Variants in SMG6 observed in about 807,000 individuals in gnomAD.
SMG6 encodes SMG6 nonsense mediated mRNA decay factor.
SMG6 carries 66 observed loss-of-function variants against 142.2 expected under a neutral mutation model. The ratio of observed to expected loss-of-function variants is 0.46; its 90% confidence interval spans 0.38 to 0.57. SMG6 has a LOEUF of 0.57. Ranked by LOEUF, SMG6 falls within the 20% of genes least tolerant of loss-of-function variation. SMG6 has a pLI of 0.00. For synonymous variants in SMG6, 779 were observed against 702.4 expected, an observed-to-expected ratio of 1.11 and a Z score of -1.72; for missense variants, 1,793 against 1,832.0, an observed-to-expected ratio of 0.98 and a Z score of 0.39.
chr17:2,221,442 A>T (rs886211820), intron 10 of SMG6, among the ~76,000 whole-genome samples: 1 of 152,116 alleles, frequency 6.6e-6, no homozygotes, highest in Non-Finnish European at 1.5e-5. Context: ...CTCCCTAGCC[A>T]TGTTTCCTGT....
intron 13 of SMG6, among the ~76,000 whole-genome samples, chr17:2,152,627 G>T (rs1432812245): frequency 6.6e-6 from 1 of 152,158 alleles, no homozygotes; most frequent in African/African-American, 2.4e-5. Flanking sequence ...TTAGAGAAAT[G>T]CGAATTAAAA....
intron 8 of SMG6, among the ~76,000 whole-genome samples, chr17:2,261,314 A>G (rs78575432): frequency 2.0e-5 from 1 of 49,882 alleles, no homozygotes; most frequent in Non-Finnish European, 3.7e-5. Context: ...ACTCCGTCTC[A>G]AAAAAAAAAA....
intron 13 of SMG6, chr17:2,088,803 T>C: frequency 2.0e-6 from 2 of 985,416 alleles, no homozygotes; most frequent in South Asian, 9.4e-5. Flanking sequence ...TGTCTGTAGC[T>C]CACTGGCCTG....
At chr17:2,103,864 A>C (rs954169603) in intron 13 of SMG6, among the ~76,000 whole-genome samples, 2 of 152,200 alleles carry the variant, frequency 1.3e-5, no homozygotes, top group African/African-American at 4.8e-5. Context: ...AGAGGTAAGA[A>C]GTCGTCTCAA....
chr17:2,303,589 C>CGGGG, intron 1 of SMG6, 44 bp downstream of exon 1: 1 of 1,372,780 alleles, frequency 7.3e-7, no homozygotes. Context: ...GAGAGGGAGG[C>CGGGG]GGGGCGGGCA....
intron 10 of SMG6, among the ~76,000 whole-genome samples, chr17:2,228,862 G>A (rs1052127771): frequency 6.6e-6 from 1 of 152,054 alleles, no homozygotes; most frequent in African/African-American, 2.4e-5. Context: ...TCTTAACCTG[G>A]GTGGTAGTTA....
At chr17:2,167,869 T>C (rs1227496083) in intron 13 of SMG6, among the ~76,000 whole-genome samples, 1 of 152,224 alleles carries the variant, frequency 6.6e-6, no homozygotes, top group East Asian at 1.9e-4. Flanking sequence ...ATTTTTCAAA[T>C]TTCCTTTTTC....
At chr17:2,217,443 C>T (rs2073050316) in intron 10 of SMG6, among the ~76,000 whole-genome samples, 1 of 151,946 alleles carries the variant, frequency 6.6e-6, no homozygotes, top group Non-Finnish European at 1.5e-5. Flanking sequence ...AACCATGAAG[C>T]CACACGGTCT....
chr17:2,185,466 G>C (rs1261316385), intron 12 of SMG6, among the ~76,000 whole-genome samples: 6 of 151,992 alleles, frequency 3.9e-5, no homozygotes, highest in African/African-American at 1.5e-4. Context: ...AAATAGTTAA[G>C]ATGGCAAATG....
chr17:2,198,765 G>T (rs1157200990), intron 10 of SMG6, among the ~76,000 whole-genome samples: 1 of 151,750 alleles, frequency 6.6e-6, no homozygotes, highest in Non-Finnish European at 1.5e-5. Context: ...ACAGAAAAGG[G>T]TTACTCAGTC....
rs1006144555 is a variant in SMG6, at chr17:2,068,396, C to T, written c.3835+382G>A. On this transcript the variant is annotated intron_variant, in intron 16 of 18. Coordinates refer to ENST00000263073, the MANE Select transcript of SMG6 (RefSeq NM_017575.5). The surrounding 1 kb of genome is among the most constrained non-coding windows in gnomAD (Gnocchi z 6.7). ...AGGCATCTAACCACTTCAAAATCCTCCCAGCCTCCCTGCCAGACCACCCAG... is the reference window on the plus strand; with the variant it reads ...AGGCATCTAACCACTTCAAAATCCTTCCAGCCTCCCTGCCAGACCACCCAG... Among the ~76,000 whole-genome samples the T allele has an allele frequency of 2.0e-5, 3 of 152,214 alleles. No homozygotes were observed. Among genetic ancestry groups the T allele is most frequent in the African/African-American group, 7.2e-5 (3 of 41,436 alleles).
chr17:2,211,215 GA>G (rs1287491776), intron 10 of SMG6, among the ~76,000 whole-genome samples: 2 of 151,502 alleles, frequency 1.3e-5, no homozygotes, highest in African/African-American at 4.8e-5. Flanking sequence ...TAAAAAATAA[GA>G]AAAAATACAT....
intron 13 of SMG6, among the ~76,000 whole-genome samples, chr17:2,137,558 G>C (rs373416360): frequency 1.3e-5 from 2 of 152,004 alleles, no homozygotes; most frequent in Non-Finnish European, 2.9e-5. Context: ...CAGGGTTCTC[G>C]GGGAGGAGTT....
At position 2,186,677 on chromosome 17, in the gene SMG6, C is replaced by G; in HGVS notation, c.3141G>C (p.Leu1047=). The G allele has an allele frequency of 6.2e-7, 1 of 1,614,202 alleles. No individual in the cohort carries two copies. The highest frequency in any genetic ancestry group is 8.5e-7 in the Non-Finnish European group (1 of 1,180,036). ...PDTWNPPPTS[L]DLPSHVAVDV... ...GGTCAACTCACTGCGAGGGCAGATC[C>G]AGGGATGTGGGAGGAGGATTCCAGG... is the stretch of plus-strand genomic sequence containing the variant. The change falls in exon 12 of 19, where the codon CTG becomes CTC. Residue 1047 remains leucine, a synonymous_variant. Coordinates refer to ENST00000263073, the MANE Select transcript of SMG6 (RefSeq NM_017575.5).
intron 9 of SMG6, 92 bp from the exon 10 acceptor site, chr17:2,236,729 ACACACACACACACACACACAC>A: frequency 7.3e-7 from 1 of 1,365,288 alleles, no homozygotes; most frequent in Non-Finnish European, 9.6e-7. Context: ...ACACACACAC[ACACACACACACACACACACAC>A]ACCAGACAAC....
At chr17:2,199,021 T>C (rs1336440982) in intron 10 of SMG6, among the ~76,000 whole-genome samples, 2 of 143,688 alleles carry the variant, frequency 1.4e-5, no homozygotes, top group Non-Finnish European at 3.0e-5. Flanking sequence ...ATAAGGAGTA[T>C]AGCAAGAGAA....
chr17:2,208,348 C>T (rs2072750705), intron 10 of SMG6, among the ~76,000 whole-genome samples: 2 of 152,122 alleles, frequency 1.3e-5, no homozygotes. Context: ...TGGATTCTGG[C>T]AGTATTTCTA....
At chr17:2,168,045 G>A (rs2071394150) in intron 13 of SMG6, among the ~76,000 whole-genome samples, 1 of 151,868 alleles carries the variant, frequency 6.6e-6, no homozygotes, top group African/African-American at 2.4e-5. Flanking sequence ...TTTTAAACTT[G>A]TTTGTAGGGA....
intron 4 of SMG6, among the ~76,000 whole-genome samples, chr17:2,294,387 A>C (rs949494859): frequency 4.6e-5 from 7 of 152,206 alleles, no homozygotes; most frequent in African/African-American, 1.7e-4. Context: ...AAACAAAACA[A>C]ATTCTTTCAA....
Sources: gnomAD v4.1 joint callset for allele counts (sites outside exome capture counted in the v4.1 genomes callset) on GRCh38, gnomAD v4.1.1 for gene constraint, Gnocchi (gnomAD v3.1) non-coding constraint, MANE v1.5 for transcripts, NCBI Gene and HGNC (gene_info 2026-07-23, HGNC 2026-07-21) for gene names.